LCP1: variants seen among roughly 807,000 people sequenced by gnomAD.
LCP1 encodes the protein lymphocyte cytosolic protein 1, also known as plastin-2.
In LCP1, 23 loss-of-function variants were observed where a neutral mutation model predicts 72.0. That is an observed-to-expected ratio of 0.32 (90% CI 0.23 to 0.45). The LOEUF (loss-of-function observed/expected upper bound fraction) is 0.45. LCP1 is among the 20% of genes least tolerant of loss of function. The pLI, the probability that LCP1 is intolerant of heterozygous loss-of-function variation, is 1.00. For missense variants in LCP1, 571 were observed against 748.3 expected (o/e 0.76, Z 2.76); for synonymous variants, 245 against 275.4 (o/e 0.89, Z 1.09).
intron 11 of LCP1, 114 bp from the exon 12 acceptor site, chr13:46,143,518 A>G (rs965095830): frequency 2.1e-5 from 14 of 667,770 alleles, no homozygotes; most frequent in Non-Finnish European, 3.4e-5. Context: ...ACAACCCTGC[A>G]CACTTGGTAG....
chr13:46,141,174 G>C (rs956917808), intron 13 of LCP1, among the ~76,000 whole-genome samples: 2 of 152,098 alleles, frequency 1.3e-5, no homozygotes, highest in African/African-American at 4.8e-5. Flanking sequence ...TTGGGAGGCT[G>C]AGGCACTCGG....
At chr13:46,157,642 C>T (rs1294260754) in intron 4 of LCP1, among the ~76,000 whole-genome samples, 4 of 151,744 alleles carry the variant, frequency 2.6e-5, no homozygotes, top group Admixed American at 2.6e-4. Flanking sequence ...ATTCACATTG[C>T]ACATTTGACC....
At chr13:46,150,544 C>T (rs190614645) in intron 8 of LCP1, among the ~76,000 whole-genome samples, 3 of 152,334 alleles carry the variant, frequency 2.0e-5, no homozygotes, top group East Asian at 3.9e-4. Context: ...ATTAGTATAA[C>T]TAGAAGAGTC....
chr13:46,151,662 G>A (rs2045764945), intron 7 of LCP1, among the ~76,000 whole-genome samples: 1 of 152,140 alleles, frequency 6.6e-6, no homozygotes, highest in Non-Finnish European at 1.5e-5. Flanking sequence ...CAGGTTCTAA[G>A]ATCCCTATTT....
intron 8 of LCP1, among the ~76,000 whole-genome samples, chr13:46,150,349 A>G (rs1320886073): frequency 6.6e-6 from 1 of 152,124 alleles, no homozygotes; most frequent in Non-Finnish European, 1.5e-5. Context: ...CTTTTCATAT[A>G]CTTGAAAACC....
At chr13:46,174,312 TAA>T (rs763693784) in intron 1 of LCP1, among the ~76,000 whole-genome samples, 1 of 152,230 alleles carries the variant, frequency 6.6e-6, no homozygotes, top group African/African-American at 2.4e-5. Context: ...TCATTTTTTT[TAA>T]AAGTTACAGT....
intron 1 of LCP1, among the ~76,000 whole-genome samples, chr13:46,161,143 A>G (rs979210827): frequency 7.2e-5 from 11 of 152,156 alleles, no homozygotes; most frequent in African/African-American, 2.2e-4. Flanking sequence ...CTTTGTTGAC[A>G]GAAACCTTAC....
At chr13:46,161,907 C>G (rs1337832574) in intron 1 of LCP1, among the ~76,000 whole-genome samples, 4 of 152,180 alleles carry the variant, frequency 2.6e-5, no homozygotes, top group Non-Finnish European at 5.9e-5. Context: ...TTTCTTAGGG[C>G]AGCAGATCTG....
chr13:46,156,838 T>C (rs77356521), intron 4 of LCP1, among the ~76,000 whole-genome samples: 1 of 151,240 alleles, frequency 6.6e-6, no homozygotes, highest in African/African-American at 2.4e-5. Flanking sequence ...TTTTTTTTTT[T>C]TGAGATGGAG....
At position 46,154,889 on chromosome 13, in the gene LCP1, GA is replaced by G. The variant is rs776516546; in HGVS notation, c.492-4del. On this transcript the variant is annotated splice_polypyrimidine_tract_variant and splice_region_variant and intron_variant, in intron 5 of 15. Coordinates refer to ENST00000323076, the MANE Select transcript of LCP1 (RefSeq NM_002298.5). Reference sequence around the variant, plus strand: ...GCACTGACAGGTTGATCATTTTACTGAAAGAGAAACAATTAAATTAAAGAAA... The same window carrying G: ...GCACTGACAGGTTGATCATTTTACTGAAGAGAAACAATTAAATTAAAGAAA... 13 of 1,611,288 alleles carry G rather than the reference GA, an allele frequency of 8.1e-6. 2 individuals are homozygous for G. The South Asian group carries it at 1.4e-4, about 18-fold the overall frequency.
chr13:46,150,817 A>C (rs1350565320), intron 8 of LCP1, 119 bp downstream of exon 8: 2 of 1,155,936 alleles, frequency 1.7e-6, no homozygotes, highest in East Asian at 4.7e-5. Flanking sequence ...CCAAAACAGC[A>C]CCAGACTACC....
chr13:46,163,060 G>A (rs1424299451), intron 1 of LCP1, among the ~76,000 whole-genome samples: 3 of 150,460 alleles, frequency 2.0e-5, no homozygotes, highest in Non-Finnish European at 4.4e-5. Flanking sequence ...GAGGGAGGTG[G>A]GGGGCGCCTC....
At chr13:46,134,395 T>C (rs2045651591) in intron 13 of LCP1, 145 bp from the exon 14 acceptor site, 4 of 660,060 alleles carry the variant, frequency 6.1e-6, no homozygotes, top group Non-Finnish European at 1.0e-5. Flanking sequence ...AAAAAGAACA[T>C]ATTACAACAT....
Position 46,127,599 on chromosome 13 carries a change from T to C in LCP1, c.1876A>G (p.Arg626Gly). ...CCCAGCCCCATTGGGCCTCACACCCTCTTCATTCCTTTCCCCATGAGGCAG... is the reference window on the plus strand; with the variant it reads ...CCCAGCCCCATTGGGCCTCACACCCCCTTCATTCCTTTCCCCATGAGGCAG... ...FACLMGKGMK[R>G]V The change falls in exon 16 of 16, where the codon AGG becomes GGG. Residue 626 changes from arginine (R) to glycine (G), a missense_variant. Coordinates refer to ENST00000323076, the MANE Select transcript of LCP1 (RefSeq NM_002298.5). 1 of 1,614,136 alleles carries C rather than the reference T, an allele frequency of 6.2e-7. No individual in the cohort carries two copies. The highest frequency in any genetic ancestry group is 8.5e-7 in the Non-Finnish European group (1 of 1,180,004).
At chr13:46,152,693 G>T in intron 7 of LCP1, 87 bp downstream of exon 7, 4 of 1,381,288 alleles carry the variant, frequency 2.9e-6, no homozygotes, top group Non-Finnish European at 3.9e-6. Context: ...CAAAACTTGA[G>T]AATTTCTGAC....
intron 1 of LCP1, among the ~76,000 whole-genome samples, chr13:46,161,860 T>G (rs995926295): frequency 2.6e-5 from 4 of 152,190 alleles, no homozygotes; most frequent in Non-Finnish European, 5.9e-5. Flanking sequence ...GAAAGTATCA[T>G]CGGTTATACA....
chr13:46,168,613 C>T (rs1033735029), intron 1 of LCP1: 1 of 152,254 alleles, frequency 6.6e-6, no homozygotes, highest in South Asian at 2.1e-4. Context: ...TGGGATGTTA[C>T]CACACACAGC....
At chr13:46,172,479 A>G (rs1258055837) in intron 1 of LCP1, among the ~76,000 whole-genome samples, 1 of 152,120 alleles carries the variant, frequency 6.6e-6, no homozygotes, top group Non-Finnish European at 1.5e-5. Flanking sequence ...GCAAGGCTCC[A>G]TTACATTAAA....
At chr13:46,174,105 T>C (rs889896648) in intron 1 of LCP1, among the ~76,000 whole-genome samples, 3 of 152,212 alleles carry the variant, frequency 2.0e-5, no homozygotes, top group African/African-American at 4.8e-5. Flanking sequence ...AGTGAGACAA[T>C]GTACAGCAGA....
Sources: gnomAD v4.1 joint callset for allele counts (sites outside exome capture counted in the v4.1 genomes callset) on GRCh38, gnomAD v4.1.1 for gene constraint, MANE v1.5 for transcripts, NCBI Gene and HGNC (gene_info 2026-07-23, HGNC 2026-07-21) for gene names.